The following RMP64 variants were observed in gnomAD, a reference collection of about 807,000 sequenced individuals.
The protein encoded by RMP64 is ribonuclease MRP subunit p64.
chr3:113,005,799 T>C, the RMP64 span: 2 of 1,613,942 alleles, frequency 1.2e-6, no homozygotes, highest in Non-Finnish European at 1.7e-6. Context: ...CTGGTATCTG[T>C]AGCACTCTTC....
chr3:113,007,663 G>T, the RMP64 span, among the ~76,000 whole-genome samples: 1 of 151,304 alleles, frequency 6.6e-6, no homozygotes, highest in Non-Finnish European at 1.5e-5. Context: ...TCACAGAAAA[G>T]AAATATAGAT....
the RMP64 span, chr3:113,011,315 G>C: frequency 6.2e-7 from 1 of 1,613,542 alleles, no homozygotes; most frequent in Non-Finnish European, 8.5e-7. Flanking sequence ...TTGAAGTAAG[G>C]CATTGGTTGA....
At chr3:113,002,904 A>T in the RMP64 span, 3 of 152,676 alleles carry the variant, frequency 2.0e-5, no homozygotes, top group Admixed American at 1.3e-4. Flanking sequence ...AGGAAGTGAG[A>T]CATCCCCAGA....
chr3:113,013,849 A>G, the RMP64 span: 6 of 831,836 alleles, frequency 7.2e-6, no homozygotes, highest in Non-Finnish European at 1.2e-5. Flanking sequence ...CTGAGGTATA[A>G]TTGGTTATAT....
the RMP64 span, chr3:113,008,695 T>G: frequency 3.3e-6 from 1 of 304,506 alleles, no homozygotes; most frequent in African/African-American, 2.1e-5. Flanking sequence ...GTAAGGAAAT[T>G]TTTTTGCTCA....
the RMP64 span, among the ~76,000 whole-genome samples, chr3:113,018,170 C>G: frequency 2.0e-5 from 3 of 152,164 alleles, no homozygotes; most frequent in Non-Finnish European, 4.4e-5. Flanking sequence ...TCAGCAGATG[C>G]TTCCTAGTCT....
At chr3:113,010,526 A>C in the RMP64 span, 14 of 761,874 alleles carry the variant, frequency 1.8e-5, no homozygotes, top group East Asian at 3.7e-4. Flanking sequence ...ACAACTAAGA[A>C]GGCACTAAGC....
the RMP64 span, among the ~76,000 whole-genome samples, chr3:113,011,822 A>C: frequency 6.6e-6 from 1 of 152,222 alleles, no homozygotes; most frequent in South Asian, 2.1e-4. Flanking sequence ...AGAAGAGAGT[A>C]TCAAAGGTTT....
At chr3:113,017,519 C>CA in the RMP64 span, 1 of 1,613,960 alleles carries the variant, frequency 6.2e-7, no homozygotes, top group Non-Finnish European at 8.5e-7. Context: ...GCACATAACA[C>CA]ATCTGTTTCT....
At chr3:113,010,938 G>A in the RMP64 span, 1 of 1,040,482 alleles carries the variant, frequency 9.6e-7, no homozygotes, top group African/African-American at 1.6e-5. Context: ...ATTAAGATGT[G>A]AGATGTTGAA....
chr3:113,011,743 TTTCTC>T, the RMP64 span, among the ~76,000 whole-genome samples: 8 of 152,172 alleles, frequency 5.3e-5, no homozygotes, highest in Admixed American at 3.3e-4. Context: ...GTTCTTCACA[TTTCTC>T]TTTTTAAATT....
chr3:113,017,733 AC>A, the RMP64 span: 5 of 749,930 alleles, frequency 6.7e-6, no homozygotes, highest in Admixed American at 1.1e-4. Context: ...ATCAGTCTCA[AC>A]TGTAAGAACG....
the RMP64 span, among the ~76,000 whole-genome samples, chr3:113,018,799 G>A: frequency 2.0e-5 from 3 of 152,114 alleles, no homozygotes; most frequent in African/African-American, 7.2e-5. Context: ...ACAGCCCTAT[G>A]AGGAAGGTGC....
the RMP64 span, among the ~76,000 whole-genome samples, chr3:113,018,353 G>T: frequency 1.3e-5 from 2 of 152,170 alleles, no homozygotes; most frequent in Non-Finnish European, 2.9e-5. Context: ...GTAGTGAGTT[G>T]GTGAATTTCC....
At chr3:113,011,142 G>C in the RMP64 span, 1 of 1,613,308 alleles carries the variant, frequency 6.2e-7, no homozygotes, top group South Asian at 1.1e-5. Flanking sequence ...TTCCAAGCAA[G>C]GTTTCTTCAC....
chr3:113,016,866 G>C, the RMP64 span, among the ~76,000 whole-genome samples: 1 of 152,164 alleles, frequency 6.6e-6, no homozygotes, highest in African/African-American at 2.4e-5. Context: ...GAATGAATGA[G>C]CATATCAGGA....
chr3:113,017,571 G>C, the RMP64 span: 14 of 1,613,862 alleles, frequency 8.7e-6, no homozygotes, highest in Non-Finnish European at 1.2e-5. Flanking sequence ...TGACGAGATG[G>C]CATTCTTTAA....
At chr3:113,010,028 C>T in the RMP64 span, among the ~76,000 whole-genome samples, 1 of 150,088 alleles carries the variant, frequency 6.7e-6, no homozygotes, top group South Asian at 2.1e-4. Context: ...TACTTATATG[C>T]TGTTAGGTCC....
At chr3:113,007,650 AAAT>A in the RMP64 span, among the ~76,000 whole-genome samples, 7 of 151,988 alleles carry the variant, frequency 4.6e-5, no homozygotes, top group Non-Finnish European at 8.8e-5. Flanking sequence ...GTGAATATAA[AAAT>A]CACAGAAAAG....
Sources: allele counts gnomAD v4.1 joint callset (sites outside exome capture counted in the v4.1 genomes callset), GRCh38; gene constraint gnomAD v4.1.1; transcripts MANE v1.5; gene names NCBI Gene and HGNC (gene_info 2026-07-23, HGNC 2026-07-21).